The following ANO10 variants were observed in gnomAD, a reference collection of about 807,000 sequenced individuals.
The protein encoded by ANO10 is anoctamin 10.
Under a neutral mutation model 74.7 loss-of-function variants are expected in ANO10, and 77 were observed. The ratio of observed to expected loss-of-function variants is 1.03; its 90% CI spans 0.86 to 1.25. The LOEUF is 1.25. Among genes scored for constraint, ANO10 ranks in the 50% most tolerant of loss-of-function variants. The pLI is 0.00. For synonymous variants in ANO10, 279 were observed against 284.9 expected, an observed-to-expected ratio of 0.98 and a Z score of 0.21; for missense variants, 721 against 778.1, an observed-to-expected ratio of 0.93 and a Z score of 0.87.
chr3:43,630,681 C>T (rs977711976), intron 1 of ANO10, among the ~76,000 whole-genome samples: 1 of 152,202 alleles, frequency 6.6e-6, no homozygotes, highest in Non-Finnish European at 1.5e-5. Context: ...CATTCATTTC[C>T]CTAAGACTGC....
chr3:43,398,754 A>C (rs2092426888), intron 12 of ANO10, among the ~76,000 whole-genome samples: 1 of 152,202 alleles, frequency 6.6e-6, no homozygotes. Flanking sequence ...CGCCTCTTTG[A>C]AATTGCATGT....
intron 1 of ANO10, chr3:43,691,151 G>T (rs1312281603): frequency 8.8e-7 from 1 of 1,130,920 alleles, no homozygotes; most frequent in South Asian, 2.5e-5. Context: ...TGGCGACGAC[G>T]GGCGGCTTCC....
intron 11 of ANO10, among the ~76,000 whole-genome samples, chr3:43,544,348 T>G (rs1467830972): frequency 6.6e-6 from 1 of 152,032 alleles, no homozygotes; most frequent in Non-Finnish European, 1.5e-5. Flanking sequence ...CAAATGAAAG[T>G]AGTGTTCAAG....
At position 43,372,829 on chromosome 3, in the gene ANO10, CCAGCTTG is replaced by C. The variant is rs1258964136; in HGVS notation, c.1915-5862_1915-5856del. ...CTCCATGAATACCGTGGAAGAGAGA[CCAGCTTG>C]CAGCTTGCAGCCTGCAGTAGCAGCC... On this transcript the variant is annotated intron_variant, in intron 12 of 12. Transcript: ENST00000292246. 6.5e-6 allele frequency: 10 copies of C among 1,535,114 alleles called. No homozygotes were observed. The South Asian group carries it at 7.1e-5, about 11-fold the overall frequency.
chr3:43,578,834 T>C (rs1018770820), intron 5 of ANO10, among the ~76,000 whole-genome samples: 2 of 148,170 alleles, frequency 1.3e-5, no homozygotes, highest in Non-Finnish European at 1.5e-5. Context: ...TCAAATTTCC[T>C]GCCACTTAAA....
At chr3:43,433,824 G>C (rs547062040) in intron 11 of ANO10, among the ~76,000 whole-genome samples, 1 of 152,228 alleles carries the variant, frequency 6.6e-6, no homozygotes, top group East Asian at 1.9e-4. Context: ...GTGATCAAAG[G>C]ATAAAGCTGC....
rs142930408 is a variant in ANO10, at chr3:43,598,128, G to T, written c.472+404C>A. 3.6e-3 allele frequency among the ~76,000 whole-genome samples: 546 copies of T among 152,250 alleles called. 4 individuals carry two copies. Among genetic ancestry groups the T allele is most frequent in the African/African-American group, 0.012 (517 of 41,546 alleles). On this transcript the variant is annotated intron_variant, in intron 4 of 12. Coordinates refer to ENST00000292246, the MANE Select transcript of ANO10 (RefSeq NM_018075.5). ...TGAAATCACACAAAACCAAAATGTT[G>T]CAAAATTCTAATTTGCATACCCAGT... is the stretch of plus-strand genomic sequence containing the variant.
chr3:43,591,783 C>T (rs1034993284), intron 4 of ANO10, among the ~76,000 whole-genome samples: 1 of 152,174 alleles, frequency 6.6e-6, no homozygotes, highest in African/African-American at 2.4e-5. Context: ...ACGGACAGAG[C>T]CGAAGCAGGG....
intron 11 of ANO10, among the ~76,000 whole-genome samples, chr3:43,440,941 A>T (rs2093149576): frequency 6.6e-6 from 1 of 152,102 alleles, no homozygotes; most frequent in Non-Finnish European, 1.5e-5. Context: ...ATTCTTGAAC[A>T]ACCAATGAGT....
intron 12 of ANO10, among the ~76,000 whole-genome samples, chr3:43,417,745 T>C (rs1313684465): frequency 6.6e-6 from 1 of 152,112 alleles, no homozygotes; most frequent in East Asian, 1.9e-4. Context: ...TGTGCGAGGA[T>C]TAATAAAGAT....
chr3:43,526,741 A>G (rs915113507), intron 11 of ANO10, among the ~76,000 whole-genome samples: 14 of 152,070 alleles, frequency 9.2e-5, no homozygotes, highest in African/African-American at 3.4e-4. Context: ...ACACCTTAAC[A>G]AGCAATTCCT....
At chr3:43,398,972 C>T (rs773693594) in intron 12 of ANO10, among the ~76,000 whole-genome samples, 6 of 152,158 alleles carry the variant, frequency 3.9e-5, no homozygotes, top group African/African-American at 9.7e-5. Flanking sequence ...GAACTACAGG[C>T]GTGCGACACC....
At chr3:43,678,937 AT>A (rs994486618) in intron 1 of ANO10, among the ~76,000 whole-genome samples, 17 of 152,192 alleles carry the variant, frequency 1.1e-4, no homozygotes, top group African/African-American at 4.1e-4. Context: ...CTTTCTAAAG[AT>A]TTTTTTGATA....
At chr3:43,656,593 G>C (rs544030383) in intron 1 of ANO10, among the ~76,000 whole-genome samples, 2 of 152,360 alleles carry the variant, frequency 1.3e-5, no homozygotes, top group East Asian at 3.9e-4. Context: ...GCTAAGGCCT[G>C]GTGAGAAATC....
intron 1 of ANO10, among the ~76,000 whole-genome samples, chr3:43,628,173 G>A (rs780395917): frequency 2.6e-5 from 4 of 152,182 alleles, no homozygotes; most frequent in Non-Finnish European, 4.4e-5. Flanking sequence ...AGGTGTTGCG[G>A]GAAGTCAGGG....
At chr3:43,666,124 A>G (rs2083989266) in intron 1 of ANO10, among the ~76,000 whole-genome samples, 10 of 152,202 alleles carry the variant, frequency 6.6e-5, no homozygotes, top group Admixed American at 5.9e-4. Context: ...CCTGATTTGT[A>G]TGCTATTCAA....
chr3:43,513,018 G>A (rs1161098471), intron 11 of ANO10, among the ~76,000 whole-genome samples: 5 of 152,192 alleles, frequency 3.3e-5, no homozygotes, highest in Non-Finnish European at 7.3e-5. Context: ...GCTGTTTGCA[G>A]GAAAACAAAA....
At chr3:43,515,615 T>C (rs192331869) in intron 11 of ANO10, among the ~76,000 whole-genome samples, 97 of 152,264 alleles carry the variant, frequency 6.4e-4, no homozygotes, top group Admixed American at 6.1e-3. Flanking sequence ...TCTAGCCAGA[T>C]TGATGAGTAA....
At chr3:43,477,810 G>A (rs2076124344) in intron 11 of ANO10, among the ~76,000 whole-genome samples, 5 of 152,158 alleles carry the variant, frequency 3.3e-5, no homozygotes, top group Admixed American at 3.3e-4. Flanking sequence ...GAAGGTGCCT[G>A]TTGCTCATTA....
Sources: allele counts gnomAD v4.1 joint callset (sites outside exome capture counted in the v4.1 genomes callset), GRCh38; gene constraint gnomAD v4.1.1; transcripts MANE v1.5; gene names NCBI Gene and HGNC (gene_info 2026-07-23, HGNC 2026-07-21).